The following RALYL variants were observed in gnomAD, a reference collection of about 807,000 sequenced individuals.
RALYL encodes RNA-binding Raly-like protein.
In RALYL, 29 loss-of-function variants were observed where a neutral mutation model predicts 35.1. That is an observed-to-expected ratio of 0.83 (90% CI 0.61 to 1.13). The LOEUF (loss-of-function observed/expected upper bound fraction) is 1.13, where lower values mean the gene tolerates loss of function less well. Ranked by LOEUF, RALYL falls within the 50% of genes most tolerant of loss-of-function variation. The pLI is 0.00. For missense variants in RALYL, 359 were observed against 360.4 expected, an observed-to-expected ratio of 1.00 and a Z score of 0.03; for synonymous variants, 120 against 127.6, an observed-to-expected ratio of 0.94 and a Z score of 0.40.
intron 1 of RALYL, among the ~76,000 whole-genome samples, chr8:84,419,143 T>A (rs987352429): frequency 6.6e-6 from 1 of 152,190 alleles, no homozygotes; most frequent in Non-Finnish European, 1.5e-5. Context: ...GTCCAACCCC[T>A]TCTCTGTGTC....
intron 2 of RALYL, among the ~76,000 whole-genome samples, chr8:84,595,763 GTTTTTTT>G (rs35714907): frequency 5.8e-5 from 7 of 120,206 alleles, no homozygotes; most frequent in African/African-American, 8.9e-5. Flanking sequence ...AAAACCATAA[GTTTTTTT>G]TTTTTTTTTT....
At chr8:84,398,989 AAAAG>A (rs1164392371) in intron 1 of RALYL, among the ~76,000 whole-genome samples, 5 of 131,488 alleles carry the variant, frequency 3.8e-5, no homozygotes, top group African/African-American at 1.2e-4. Flanking sequence ...AAAAAAAAAA[AAAAG>A]AACTATGCAA....
chr8:84,853,233 T>C (rs988962515), intron 5 of RALYL, among the ~76,000 whole-genome samples: 1 of 152,116 alleles, frequency 6.6e-6, no homozygotes, highest in Admixed American at 6.5e-5. Flanking sequence ...TTTGAATGCC[T>C]CTGACATGGT....
chr8:84,666,857 A>G (rs1379808774), intron 2 of RALYL, among the ~76,000 whole-genome samples: 1 of 152,076 alleles, frequency 6.6e-6, no homozygotes, highest in Non-Finnish European at 1.5e-5. Flanking sequence ...TTCTGCAAAC[A>G]TTCAGTGAGC....
At chr8:84,524,422 A>G in intron 1 of RALYL, among the ~76,000 whole-genome samples, 1 of 152,220 alleles carries the variant, frequency 6.6e-6, no homozygotes, top group East Asian at 1.9e-4. Flanking sequence ...CACCAGTTAG[A>G]ATGGCAATCA....
intron 1 of RALYL, among the ~76,000 whole-genome samples, chr8:84,436,543 GTTTTTTTTT>G (rs150233257): frequency 6.2e-4 from 39 of 62,408 alleles, no homozygotes; most frequent in Non-Finnish European, 8.5e-4. Context: ...AATCATGGGA[GTTTTTTTTT>G]TTTTTTTTTT....
chr8:84,312,890 T>C (rs2129989018), intron 1 of RALYL, among the ~76,000 whole-genome samples: 1 of 152,326 alleles, frequency 6.6e-6, no homozygotes, highest in South Asian at 2.1e-4. Flanking sequence ...AGTGCCCCAG[T>C]GGGGATCCTG....
chr8:84,818,938 G>A (rs921550354), intron 4 of RALYL, among the ~76,000 whole-genome samples: 2 of 152,114 alleles, frequency 1.3e-5, no homozygotes, highest in African/African-American at 4.8e-5. Context: ...AAATCCATGC[G>A]TAGTGTTGAA....
At chr8:84,638,379 C>G (rs1825507520) in intron 2 of RALYL, among the ~76,000 whole-genome samples, 2 of 151,828 alleles carry the variant, frequency 1.3e-5, no homozygotes, top group African/African-American at 4.8e-5. Flanking sequence ...AATGGACAAT[C>G]TAAGCTCACA....
intron 4 of RALYL, among the ~76,000 whole-genome samples, chr8:84,839,302 C>T (rs536660017): frequency 1.7e-4 from 26 of 152,336 alleles, no homozygotes; most frequent in Non-Finnish European, 1.8e-4. Flanking sequence ...TCTTAGCAAA[C>T]GGCACATCAG....
At chr8:84,550,725 C>T (rs2060661274) in intron 2 of RALYL, among the ~76,000 whole-genome samples, 1 of 151,666 alleles carries the variant, frequency 6.6e-6, no homozygotes, top group African/African-American at 2.4e-5. Context: ...GAACGCGGTT[C>T]CTATAAATAC....
chr8:84,774,152 A>G (rs1268664061), intron 2 of RALYL, among the ~76,000 whole-genome samples: 1 of 152,126 alleles, frequency 6.6e-6, no homozygotes, highest in African/African-American at 2.4e-5. Flanking sequence ...CCAGGAGTTC[A>G]AGGTTACAGT....
At chr8:84,253,175 A>ATTT (rs1195738891) in intron 1 of RALYL, among the ~76,000 whole-genome samples, 8 of 93,906 alleles carry the variant, frequency 8.5e-5, no homozygotes, top group Admixed American at 1.2e-4. Flanking sequence ...GTAGTTCTGC[A>ATTT]GTTTTTTTTT....
chr8:84,454,892 G>A lies in RALYL; in HGVS notation c.-23-74407G>A, dbSNP rs114529926. Reference sequence around the variant, plus strand: ...TGAATGAATAAAAGCTAACAATTGTGTATAGCAGGTTTTGCTATGTACTAG... The same window carrying A: ...TGAATGAATAAAAGCTAACAATTGTATATAGCAGGTTTTGCTATGTACTAG... On this transcript the variant is annotated intron_variant, in intron 1 of 8. Transcript: ENST00000521268. Among the ~76,000 whole-genome samples, 346 of 152,108 alleles carry A rather than the reference G, an allele frequency of 2.3e-3. 3 individuals are homozygous for A. The highest frequency in any genetic ancestry group is 7.4e-3 in the African/African-American group (306 of 41,548).
At chr8:84,750,824 T>C (rs1474586527) in intron 2 of RALYL, among the ~76,000 whole-genome samples, 1 of 152,148 alleles carries the variant, frequency 6.6e-6, no homozygotes, top group Admixed American at 6.5e-5. Context: ...CCCCACCAGA[T>C]GTGGCCCCTT....
At chr8:84,595,230 G>C (rs1192074845) in intron 2 of RALYL, among the ~76,000 whole-genome samples, 1 of 152,052 alleles carries the variant, frequency 6.6e-6, no homozygotes, top group Non-Finnish European at 1.5e-5. Flanking sequence ...ATACATTGCT[G>C]TACCATCTAT....
intron 1 of RALYL, among the ~76,000 whole-genome samples, chr8:84,249,635 A>G (rs910809628): frequency 1.3e-5 from 2 of 152,108 alleles, no homozygotes; most frequent in Non-Finnish European, 2.9e-5. Context: ...ATAGTTGAGT[A>G]CATATTTTCT....
At chr8:84,267,913 G>A (rs755488286) in intron 1 of RALYL, among the ~76,000 whole-genome samples, 1 of 152,142 alleles carries the variant, frequency 6.6e-6, no homozygotes, top group Non-Finnish European at 1.5e-5. Context: ...CTTTGACTAT[G>A]CTAGATTCAG....
chr8:84,518,094 C>A (rs1204983119), intron 1 of RALYL, among the ~76,000 whole-genome samples: 1 of 152,126 alleles, frequency 6.6e-6, no homozygotes, highest in African/African-American at 2.4e-5. Context: ...ACATTAAAAT[C>A]TAGTGCAAAG....
Sources: allele counts gnomAD v4.1 joint callset (sites outside exome capture counted in the v4.1 genomes callset), GRCh38; gene constraint gnomAD v4.1.1; transcripts MANE v1.5; gene names NCBI Gene and HGNC (gene_info 2026-07-23, HGNC 2026-07-21).